The following CAB39L variants were observed in gnomAD, a reference collection of about 807,000 sequenced individuals.
CAB39L encodes the protein calcium-binding protein 39-like.
A neutral mutation model predicts 39.1 loss-of-function variants in CAB39L; 23 were observed. The ratio of observed to expected loss-of-function variants is 0.59; its 90% CI spans 0.42 to 0.83. CAB39L has a LOEUF of 0.83. Ranked by LOEUF, CAB39L falls within the 40% of genes least tolerant of loss-of-function variation. The pLI is 0.00. For missense variants in CAB39L, 366 were observed against 391.9 expected (o/e 0.93, Z 0.56); for synonymous variants, 126 against 137.2 (o/e 0.92, Z 0.57).
chr13:49,348,656 C>T (rs1955249994), intron 7 of CAB39L, among the ~76,000 whole-genome samples: 1 of 152,206 alleles, frequency 6.6e-6, no homozygotes, highest in Non-Finnish European at 1.5e-5. Context: ...CTGGAATCCA[C>T]CCCCAGCCCA....
intron 7 of CAB39L, among the ~76,000 whole-genome samples, chr13:49,348,473 T>G (rs920006046): frequency 1.3e-5 from 2 of 151,850 alleles, no homozygotes; most frequent in Non-Finnish European, 2.9e-5. Flanking sequence ...GAGGCTGAGG[T>G]GGGAGGATCA....
intron 3 of CAB39L, among the ~76,000 whole-genome samples, chr13:49,384,879 T>C (rs1331194587): frequency 1.3e-5 from 2 of 152,208 alleles, no homozygotes; most frequent in East Asian, 3.8e-4. Context: ...CATCAGGCTT[T>C]GTTGTTCCAT....
At chr13:49,443,946 C>T (rs1957598604) in intron 1 of CAB39L, 40 bp downstream of exon 1, 1 of 456,798 alleles carries the variant, frequency 2.2e-6, no homozygotes, top group South Asian at 1.5e-5. Context: ...CCCAAGAAGC[C>T]CAGTCCCAGC....
At chr13:49,419,799 G>A (rs894835470) in intron 3 of CAB39L, among the ~76,000 whole-genome samples, 2 of 151,900 alleles carry the variant, frequency 1.3e-5, no homozygotes, top group African/African-American at 2.4e-5. Flanking sequence ...TCCCCACCCC[G>A]CCAAATCTGA....
At chr13:49,359,586 CACACATG>C in intron 6 of CAB39L, 121 bp downstream of exon 6, 1 of 558,586 alleles carries the variant, frequency 1.8e-6, no homozygotes, top group Non-Finnish European at 3.2e-6. Flanking sequence ...GGGCTGACCT[CACACATG>C]ACAAATACCT....
At chr13:49,442,663 G>A (rs1957547211) in intron 1 of CAB39L, among the ~76,000 whole-genome samples, 2 of 151,772 alleles carry the variant, frequency 1.3e-5, no homozygotes, top group Admixed American at 1.3e-4. Flanking sequence ...GTGATGGCCG[G>A]TGTCTGTAGT....
At chr13:49,353,623 C>G (rs543424983) in intron 6 of CAB39L, among the ~76,000 whole-genome samples, 2 of 152,028 alleles carry the variant, frequency 1.3e-5, no homozygotes, top group East Asian at 3.9e-4. Context: ...TTCCTAATCA[C>G]TACAATTCAG....
At chr13:49,368,543 A>G (rs1317133618) in intron 5 of CAB39L, among the ~76,000 whole-genome samples, 1 of 152,230 alleles carries the variant, frequency 6.6e-6, no homozygotes, top group African/African-American at 2.4e-5. Context: ...GTGGCCAGAA[A>G]AAAAAGACAG....
chr13:49,357,000 G>T (rs1478721127), intron 6 of CAB39L, among the ~76,000 whole-genome samples: 1 of 146,746 alleles, frequency 6.8e-6, no homozygotes, highest in Non-Finnish European at 1.5e-5. Flanking sequence ...AGTGAGCCGA[G>T]ATCACGCCAC....
chr13:49,420,038 G>T (rs759212012), intron 3 of CAB39L, among the ~76,000 whole-genome samples: 4 of 152,140 alleles, frequency 2.6e-5, no homozygotes, highest in Non-Finnish European at 4.4e-5. Flanking sequence ...CATAAAATAA[G>T]AAATATTATA....
intron 3 of CAB39L, among the ~76,000 whole-genome samples, chr13:49,384,206 G>A (rs533310284): frequency 2.6e-5 from 4 of 152,244 alleles, no homozygotes; most frequent in African/African-American, 9.6e-5. Context: ...TCTTCAGCAG[G>A]AGTAGATTCC....
chr13:49,391,758 G>A (rs1376573914), intron 3 of CAB39L, among the ~76,000 whole-genome samples: 1 of 151,864 alleles, frequency 6.6e-6, no homozygotes, highest in Non-Finnish European at 1.5e-5. Flanking sequence ...CCAGAAGGGG[G>A]AAAACAGGAA....
intron 10 of CAB39L, among the ~76,000 whole-genome samples, chr13:49,325,319 G>A (rs920666637): frequency 4.6e-5 from 7 of 152,214 alleles, no homozygotes; most frequent in Non-Finnish European, 8.8e-5. Flanking sequence ...AGCAGTTGGT[G>A]AGACATTAAG....
At chr13:49,335,640 C>G (rs1283574617) in intron 9 of CAB39L, among the ~76,000 whole-genome samples, 1 of 152,006 alleles carries the variant, frequency 6.6e-6, no homozygotes, top group Non-Finnish European at 1.5e-5. Flanking sequence ...TTTTTAGAAA[C>G]CTAAGTGTTT....
At position 49,359,777 on chromosome 13, in the gene CAB39L, GT is replaced by G. The variant is rs1196552949; in HGVS notation, c.331del (p.Thr111LeufsTer36). The G allele has an allele frequency of 1.9e-6, 3 of 1,613,264 alleles. No individual in the cohort carries two copies. The highest frequency in any genetic ancestry group is 1.7e-6 in the Non-Finnish European group (2 of 1,179,300). ...FNNILRRQIGTRSPTVEYISA... is the reference protein window; with the variant it reads ...FNNILRRQIGXRSPTVEYISA... Reference sequence around the variant, plus strand: ...AATATACTCCACAGTAGGACTCCGAGTGCCTATCTGTCTTCTCAAGATGTTG... The same window carrying G: ...AATATACTCCACAGTAGGACTCCGAGGCCTATCTGTCTTCTCAAGATGTTG... On this transcript the variant is annotated frameshift_variant, in exon 6 of 11. Coordinates refer to ENST00000409308, the MANE Select transcript of CAB39L (RefSeq NM_001079670.3). LOFTEE classifies it high-confidence loss of function.
intron 4 of CAB39L, among the ~76,000 whole-genome samples, chr13:49,377,882 G>C (rs1423917773): frequency 1.2e-5 from 1 of 81,828 alleles, no homozygotes; most frequent in East Asian, 2.2e-4. Flanking sequence ...GTCTCCGCCC[G>C]GCCGCCATCC....
chr13:49,339,753 G>C lies in CAB39L; in HGVS notation c.625-11C>G. ...ATAGTCTTCAAAAATCTAATGAAAAGAAAATACACATTAGAGTGTAAAAGC... is the reference window on the plus strand; with the variant it reads ...ATAGTCTTCAAAAATCTAATGAAAACAAAATACACATTAGAGTGTAAAAGC... On this transcript the variant is annotated splice_polypyrimidine_tract_variant and intron_variant, in intron 8 of 10. Transcript: ENST00000409308. The C allele has an allele frequency of 6.4e-7, 1 of 1,567,932 alleles. No individual in the cohort carries two copies. The highest frequency in any genetic ancestry group is 1.2e-5 in the South Asian group (1 of 81,946).
intron 9 of CAB39L, among the ~76,000 whole-genome samples, chr13:49,337,217 T>C (rs1010020055): frequency 6.6e-6 from 1 of 152,226 alleles, no homozygotes; most frequent in Non-Finnish European, 1.5e-5. Context: ...TGCCATCATC[T>C]TGACATGTAA....
At chr13:49,428,407 T>C (rs979692626) in intron 3 of CAB39L, among the ~76,000 whole-genome samples, 1 of 152,222 alleles carries the variant, frequency 6.6e-6, no homozygotes, top group Non-Finnish European at 1.5e-5. Flanking sequence ...GAAACTGCAA[T>C]GTCTTTAATA....
Sources: gnomAD v4.1 joint callset for allele counts (sites outside exome capture counted in the v4.1 genomes callset) on GRCh38, gnomAD v4.1.1 for gene constraint, MANE v1.5 for transcripts, NCBI Gene and HGNC (gene_info 2026-07-23, HGNC 2026-07-21) for gene names.